Variants in SH2D4A observed in about 807,000 individuals in gnomAD.
SH2D4A encodes SH2 domain containing 4A.
In SH2D4A, 70 loss-of-function variants were observed where a neutral mutation model predicts 64.7. That is an observed-to-expected ratio of 1.08 (90% confidence interval 0.89 to 1.32). The LOEUF is 1.32. Among genes scored for constraint, SH2D4A ranks in the 40% most tolerant of loss-of-function variants. The pLI is 0.00. For missense variants in SH2D4A, 706 were observed against 540.1 expected (o/e 1.31, Z -3.04); for synonymous variants, 268 against 200.7 (o/e 1.34, Z -2.83).
chr8:19,376,683 C>A (rs796973512), intron 8 of SH2D4A, among the ~76,000 whole-genome samples: 4 of 152,116 alleles, frequency 2.6e-5, no homozygotes, highest in African/African-American at 9.6e-5. Flanking sequence ...CAGAGACATC[C>A]AGAATAACTT....
chr8:19,364,317 A>G (rs779910226), intron 7 of SH2D4A, 35 bp downstream of exon 7: 2 of 1,606,908 alleles, frequency 1.2e-6, no homozygotes, highest in East Asian at 2.2e-5. Flanking sequence ...ATGCATAAAC[A>G]TTGCAATGGG....
intron 1 of SH2D4A, among the ~76,000 whole-genome samples, chr8:19,316,829 T>C (rs2052096557): frequency 1.3e-5 from 2 of 152,236 alleles, no homozygotes; most frequent in Non-Finnish European, 2.9e-5. Flanking sequence ...TGACCTGTGC[T>C]CTATCTTCCT....
At position 19,357,281 on chromosome 8, in the gene SH2D4A, C is replaced by T; in HGVS notation, c.592C>T (p.Gln198Ter). 1.2e-6 allele frequency: 2 copies of T among 1,611,090 alleles called. No homozygotes were observed. The highest frequency in any genetic ancestry group is 2.2e-5 in the South Asian group (2 of 90,992). Residue 198 changes from glutamine (Q) to a stop codon, truncating the protein, a stop_gained and splice_region_variant, in exon 5 of 10, where the codon CAG becomes TAG. Transcript: ENST00000265807. LOFTEE classifies it high-confidence loss of function. ...INRMKAYAFH[Q>*]KKESMKKKQD... ...TCGTATGAAGGCATATGCATTTCAC[C>T]AGGTAAAAGACTTCCCTTCTGTCCT...
intron 3 of SH2D4A, 94 bp from the exon 4 acceptor site, chr8:19,334,592 G>A: frequency 7.2e-7 from 1 of 1,397,034 alleles, no homozygotes; most frequent in East Asian, 2.3e-5. Flanking sequence ...GTCAGTTACT[G>A]TTTTTCACAT....
rs1475793040 is a variant in SH2D4A, at chr8:19,314,040, G to C, written c.-205+217G>C. On this transcript the variant is annotated intron_variant, in intron 1 of 9. Coordinates refer to ENST00000265807, the MANE Select transcript of SH2D4A (RefSeq NM_022071.4). ...AGAGCGGCCGCGGCGGGTGTCCGGTGTCCGGTGTCCGGTGTCCGGTGTCTG... is the reference window on the plus strand; with the variant it reads ...AGAGCGGCCGCGGCGGGTGTCCGGTCTCCGGTGTCCGGTGTCCGGTGTCTG... 2.5e-6 allele frequency: 3 copies of C among 1,202,132 alleles called. No individual in the cohort carries two copies. In the African/African-American group the frequency reaches 4.8e-5, roughly 19 times the overall value. 74.5% of individuals were successfully genotyped at this position (1,202,132 alleles called of 1,614,324 possible).
chr8:19,325,292 C>T (rs2052259429), intron 2 of SH2D4A, among the ~76,000 whole-genome samples: 1 of 152,140 alleles, frequency 6.6e-6, no homozygotes, highest in Non-Finnish European at 1.5e-5. Flanking sequence ...TTAGGATGTG[C>T]CAAGCATAAG....
rs370752682 is a variant in SH2D4A at position 19,364,148 on chromosome 8, C to G, written c.783C>G (p.Ser261=). 8 of 1,613,988 alleles carry G rather than the reference C, an allele frequency of 5.0e-6. No homozygotes were observed. Among genetic ancestry groups the G allele is most frequent in the Non-Finnish European group, 5.9e-6 (7 of 1,180,006 alleles). Residue 261 remains serine (S), a synonymous_variant, in exon 7 of 10, where the codon TCC becomes TCG. Transcript: ENST00000265807. ...KQAREDYKRL[S]LGAQKGRGGE... is the part of the protein sequence containing the mutation. The stretch of plus-strand genomic sequence containing the variant: ...CACGAGAAGACTACAAGAGGTTATC[C>G]CTCGGGGCCCAGAAAGGAAGAGGCG...
intron 2 of SH2D4A, among the ~76,000 whole-genome samples, chr8:19,320,707 C>T (rs935404175): frequency 9.2e-5 from 14 of 151,892 alleles, no homozygotes; most frequent in East Asian, 1.9e-4. Flanking sequence ...CTCCTCACTC[C>T]GTTCTCACTA....
At chr8:19,342,110 C>A (rs2052538863) in intron 4 of SH2D4A, among the ~76,000 whole-genome samples, 1 of 152,062 alleles carries the variant, frequency 6.6e-6, no homozygotes, top group South Asian at 2.1e-4. Flanking sequence ...TCAGTTGCTG[C>A]CAGAAGAAGT....
chr8:19,349,984 G>A (rs531232359), intron 4 of SH2D4A, among the ~76,000 whole-genome samples: 5 of 152,312 alleles, frequency 3.3e-5, no homozygotes, highest in East Asian at 1.9e-4. Flanking sequence ...CATTATAGGC[G>A]TGAGCCACTG....
intron 4 of SH2D4A, among the ~76,000 whole-genome samples, chr8:19,343,216 A>C (rs558442971): frequency 5.9e-5 from 9 of 152,240 alleles, no homozygotes; most frequent in Admixed American, 5.9e-4. Context: ...CTTGAGCCCA[A>C]GATTTCGAGA....
At chr8:19,367,622 C>A (rs536760803) in intron 7 of SH2D4A, among the ~76,000 whole-genome samples, 1 of 152,204 alleles carries the variant, frequency 6.6e-6, no homozygotes, top group Non-Finnish European at 1.5e-5. Flanking sequence ...TATATTGATG[C>A]TTTGTCAGAT....
intron 4 of SH2D4A, among the ~76,000 whole-genome samples, chr8:19,355,237 T>G (rs1324469711): frequency 6.6e-6 from 1 of 152,120 alleles, no homozygotes; most frequent in African/African-American, 2.4e-5. Context: ...CCCAAAGATC[T>G]TATATCATCA....
chr8:19,320,556 C>G (rs1308051791), intron 2 of SH2D4A, among the ~76,000 whole-genome samples: 2 of 142,002 alleles, frequency 1.4e-5, no homozygotes, highest in African/African-American at 5.3e-5. Context: ...CTCAGGAGAT[C>G]GAGGCCACAC....
chr8:19,355,913 A>C (rs994116532), intron 4 of SH2D4A, among the ~76,000 whole-genome samples: 2 of 152,230 alleles, frequency 1.3e-5, no homozygotes, highest in Non-Finnish European at 2.9e-5. Context: ...TGAAGGAAAT[A>C]GTCCCCAAAT....
intron 7 of SH2D4A, among the ~76,000 whole-genome samples, chr8:19,370,678 A>AT (rs1212555521): frequency 2.6e-5 from 4 of 152,020 alleles, no homozygotes; most frequent in African/African-American, 9.7e-5. Context: ...GTATTGTTTC[A>AT]TTTTTATTTA....
At chr8:19,336,836 T>TAC (rs1384954727) in intron 4 of SH2D4A, among the ~76,000 whole-genome samples, 1 of 152,150 alleles carries the variant, frequency 6.6e-6, no homozygotes, top group African/African-American at 2.4e-5. Flanking sequence ...CACTGTACTG[T>TAC]AGCCTGGGGG....
intron 2 of SH2D4A, among the ~76,000 whole-genome samples, chr8:19,324,261 A>G (rs777399022): frequency 6.6e-6 from 1 of 152,212 alleles, no homozygotes; most frequent in African/African-American, 2.4e-5. Context: ...ACCTAATGCA[A>G]TGGGCTGAGA....
At chr8:19,337,805 A>G (rs544346499) in intron 4 of SH2D4A, among the ~76,000 whole-genome samples, 1 of 152,140 alleles carries the variant, frequency 6.6e-6, no homozygotes, top group Admixed American at 6.5e-5. Context: ...ACCCACCCCC[A>G]TGATTTAACT....
Sources: allele counts gnomAD v4.1 joint callset (sites outside exome capture counted in the v4.1 genomes callset), GRCh38; gene constraint gnomAD v4.1.1; transcripts MANE v1.5; gene names NCBI Gene and HGNC (gene_info 2026-07-23, HGNC 2026-07-21).